The following PDZRN3 variants were observed in gnomAD, a reference collection of about 807,000 sequenced individuals.
The protein encoded by PDZRN3 is PDZ domain containing ring finger 3.
PDZRN3 carries 38 observed loss-of-function variants against 85.7 expected under a neutral mutation model. The observed-to-expected ratio is 0.44, with a 90% CI of 0.34 to 0.58. The LOEUF is 0.58. Ranked by LOEUF, PDZRN3 falls within the 20% of genes least tolerant of loss-of-function variation. The pLI is 0.01. For synonymous variants in PDZRN3, 759 were observed against 638.0 expected (o/e 1.19, Z -2.86); for missense variants, 1,629 against 1,506.4 (o/e 1.08, Z -1.35).
intron 3 of PDZRN3, among the ~76,000 whole-genome samples, chr3:73,570,677 G>C (rs933166563): frequency 6.6e-6 from 1 of 152,148 alleles, no homozygotes; most frequent in Non-Finnish European, 1.5e-5. Flanking sequence ...TCCGGGAGCA[G>C]AGCCTTCCCA....
At chr3:73,622,735 CCT>C (rs1433837723) in intron 1 of PDZRN3, among the ~76,000 whole-genome samples, 2 of 152,176 alleles carry the variant, frequency 1.3e-5, no homozygotes, top group African/African-American at 2.4e-5. Flanking sequence ...GGCTCTGCTC[CCT>C]GAGTCACTAC....
At chr3:73,424,434 G>A (rs1023286810) in intron 3 of PDZRN3, among the ~76,000 whole-genome samples, 8 of 147,158 alleles carry the variant, frequency 5.4e-5, no homozygotes, top group South Asian at 2.1e-4. Flanking sequence ...CCAGCTACTC[G>A]GAAGGCTGAG....
At chr3:73,400,042 C>A (rs907260532) in intron 5 of PDZRN3, among the ~76,000 whole-genome samples, 15 of 152,156 alleles carry the variant, frequency 9.9e-5, no homozygotes, top group African/African-American at 3.4e-4. Context: ...ATTGGTAGGA[C>A]AGCATAGATT....
chr3:73,520,369 T>A (rs572568739), intron 3 of PDZRN3, among the ~76,000 whole-genome samples: 1 of 152,130 alleles, frequency 6.6e-6, no homozygotes, highest in Non-Finnish European at 1.5e-5. Flanking sequence ...CTGGGTGTGG[T>A]GGCGTGTGCC....
chr3:73,414,444 T>C (rs755955476), intron 3 of PDZRN3, among the ~76,000 whole-genome samples: 1 of 152,186 alleles, frequency 6.6e-6, no homozygotes, highest in Non-Finnish European at 1.5e-5. Flanking sequence ...TTTTTTTTTG[T>C]TTTGTTTTCT....
intron 3 of PDZRN3, among the ~76,000 whole-genome samples, chr3:73,473,711 C>G (rs1703393597): frequency 6.6e-6 from 1 of 152,180 alleles, no homozygotes; most frequent in African/African-American, 2.4e-5. Flanking sequence ...GGCACTCACT[C>G]TGAGTAAAAT....
rs141821937 is a variant in PDZRN3, at chr3:73,552,943, CA to C, written c.918+49410del. Among the ~76,000 whole-genome samples, 476 of 152,354 alleles carry C rather than the reference CA, an allele frequency of 3.1e-3. 1 individual carries two copies. Among genetic ancestry groups the C allele is most frequent in the African/African-American group, 0.011 (459 of 41,574 alleles). The stretch of plus-strand genomic sequence containing the variant: ...ACTAAGGATCACACAATAATAAACA[CA>C]ACCTACTACGTGCTCACCACGGTGG... On this transcript the variant is annotated intron_variant, in intron 3 of 9. Coordinates refer to ENST00000263666, the MANE Select transcript of PDZRN3 (RefSeq NM_015009.3).
intron 3 of PDZRN3, among the ~76,000 whole-genome samples, chr3:73,413,172 G>T (rs377587619): frequency 6.6e-6 from 1 of 151,112 alleles, no homozygotes; most frequent in African/African-American, 2.5e-5. Flanking sequence ...CTATAAACAG[G>T]GTTGTGAAGA....
intron 1 of PDZRN3, among the ~76,000 whole-genome samples, chr3:73,619,559 A>G (rs1702818506): frequency 6.6e-6 from 1 of 152,176 alleles, no homozygotes; most frequent in African/African-American, 2.4e-5. Flanking sequence ...AGAAGTGGAA[A>G]TTTTGCAGGT....
chr3:73,387,507 G>A (rs1282303089), intron 8 of PDZRN3, among the ~76,000 whole-genome samples: 3 of 152,136 alleles, frequency 2.0e-5, no homozygotes, highest in South Asian at 2.1e-4. Flanking sequence ...AGTGCTCCAC[G>A]GAGGGCCTAG....
chr3:73,473,437 G>A (rs557708466), intron 3 of PDZRN3, among the ~76,000 whole-genome samples: 1 of 151,772 alleles, frequency 6.6e-6, no homozygotes, highest in East Asian at 1.9e-4. Flanking sequence ...GAAATTCAGA[G>A]GAATGGGAAG....
At position 73,604,410 on chromosome 3, in the gene PDZRN3, A is replaced by C. The variant is rs756402629; in HGVS notation, c.811-1949T>G. On this transcript the variant is annotated intron_variant, in intron 2 of 9. Transcript: ENST00000263666. ...CCATTCCACAGGTGAAAAACCTGAG[A>C]CTGAGAGAGGTTCGGAAACTCATCC... Among the ~76,000 whole-genome samples, 34 of 152,232 alleles carry C rather than the reference A, an allele frequency of 2.2e-4. 1 individual carries two copies. The highest frequency in any genetic ancestry group is 8.8e-5 in the Non-Finnish European group (6 of 68,038).
chr3:73,585,292 A>G (rs1348912495), intron 3 of PDZRN3, among the ~76,000 whole-genome samples: 1 of 152,220 alleles, frequency 6.6e-6, no homozygotes, highest in Non-Finnish European at 1.5e-5. Context: ...TAAGATTTAC[A>G]TTGGGTTCAG....
At chr3:73,486,629 G>C (rs556975824) in intron 3 of PDZRN3, among the ~76,000 whole-genome samples, 1 of 152,230 alleles carries the variant, frequency 6.6e-6, no homozygotes, top group East Asian at 1.9e-4. Flanking sequence ...AAAATAATAA[G>C]TATATTTTAC....
At chr3:73,482,105 G>A (rs1012255580) in intron 3 of PDZRN3, among the ~76,000 whole-genome samples, 12 of 152,220 alleles carry the variant, frequency 7.9e-5, no homozygotes, top group African/African-American at 2.9e-4. Flanking sequence ...GGTGGACTCT[G>A]AGGATAAGAA....
intron 1 of PDZRN3, among the ~76,000 whole-genome samples, chr3:73,610,709 G>C (rs947493800): frequency 1.3e-5 from 2 of 152,188 alleles, no homozygotes; most frequent in African/African-American, 4.8e-5. Flanking sequence ...ATCCAAGGCA[G>C]ATGGCTTTAG....
At chr3:73,524,936 AT>A (rs1357813736) in intron 3 of PDZRN3, among the ~76,000 whole-genome samples, 1 of 151,118 alleles carries the variant, frequency 6.6e-6, no homozygotes, top group African/African-American at 2.4e-5. Flanking sequence ...TCCGATTCAT[AT>A]ATATGAAAAT....
rs1702924669 is a variant in PDZRN3, at chr3:73,624,244, G to C, written c.582C>G (p.Arg194=). ...LKKEALRAGK[R]EKSLVAQLAA... ...CCAGCTGGGCCACCAGCGACTTCTC[G>C]CGCTTCCCAGCGCGCAGCGCCTCCT... Residue 194 remains arginine, a synonymous_variant, in exon 1 of 10, where the codon CGC becomes CGG. Transcript: ENST00000263666. The C allele has an allele frequency of 1.4e-6, 2 of 1,456,270 alleles. No individual in the cohort carries two copies. The highest frequency in any genetic ancestry group is 1.5e-5 in the African/African-American group (1 of 67,848). 90.2% of individuals were successfully genotyped at this position (1,456,270 alleles called of 1,614,324 possible).
intron 3 of PDZRN3, among the ~76,000 whole-genome samples, chr3:73,566,838 A>G (rs1000914946): frequency 5.9e-5 from 9 of 152,188 alleles, no homozygotes; most frequent in African/African-American, 1.9e-4. Context: ...TCATGCCGAG[A>G]TGCAATGCCT....
Sources: gnomAD v4.1 joint callset for allele counts (sites outside exome capture counted in the v4.1 genomes callset) on GRCh38, gnomAD v4.1.1 for gene constraint, MANE v1.5 for transcripts, NCBI Gene and HGNC (gene_info 2026-07-23, HGNC 2026-07-21) for gene names.